MYO9B: variants seen among roughly 807,000 people sequenced by gnomAD.
MYO9B encodes myosin IXB, also known as unconventional myosin-IXb.
A neutral mutation model predicts 229.5 loss-of-function variants in MYO9B; 71 were observed. That is an observed-to-expected ratio of 0.31 (90% CI 0.26 to 0.38). The LOEUF is 0.38. Among genes scored for constraint, MYO9B ranks in the 10% least tolerant of loss-of-function variants. The pLI is 1.00. For missense variants in MYO9B, 2,255 were observed against 2,920.5 expected, an observed-to-expected ratio of 0.77 and a Z score of 5.25; for synonymous variants, 1,185 against 1,235.8, an observed-to-expected ratio of 0.96 and a Z score of 0.86.
At chr19:17,109,093 G>T (rs2057822540) in intron 2 of MYO9B, among the ~76,000 whole-genome samples, 1 of 141,672 alleles carries the variant, frequency 7.1e-6, no homozygotes, top group African/African-American at 2.7e-5. Context: ...TTGAAACAGA[G>T]TTTCTCTCTG....
In MYO9B at chr19:17,120,692, C is replaced by T. The variant is rs181780239; in HGVS notation, c.840+18135C>T. Among the ~76,000 whole-genome samples, 388 of 149,502 alleles carry T rather than the reference C, an allele frequency of 2.6e-3. 2 individuals are homozygous for T. The highest frequency in any genetic ancestry group is 3.1e-3 in the Non-Finnish European group (206 of 67,324). ...GATAGATAGATATCTAAATGTATAT[C>T]TCCTTTATGCTAATTGGTAACAGTC... is the stretch of plus-strand genomic sequence containing the variant. On this transcript the variant is annotated intron_variant, in intron 2 of 39. Transcript: ENST00000682292.
At chr19:17,113,545 C>T (rs12185526) in intron 2 of MYO9B, among the ~76,000 whole-genome samples, 1 of 152,138 alleles carries the variant, frequency 6.6e-6, no homozygotes, top group South Asian at 2.1e-4. Context: ...CCCATCCACA[C>T]AGGCAGGCGT....
intron 36 of MYO9B, 59 bp downstream of exon 36, chr19:17,209,768 G>A (rs781116881): frequency 3.2e-4 from 516 of 1,593,500 alleles, no homozygotes; most frequent in Non-Finnish European, 4.3e-4. Flanking sequence ...CTGGTGCTGG[G>A]CAGGGCCTTG....
Position 17,193,723 on chromosome 19 carries a change from A to G in MYO9B, c.3128+661A>G, listed in dbSNP as rs376066748. On this transcript the variant is annotated intron_variant, in intron 21 of 39. Coordinates refer to ENST00000682292, the MANE Select transcript of MYO9B (RefSeq NM_004145.4). The surrounding 1 kb of genome is among the most constrained non-coding windows in gnomAD (Gnocchi z 4.3). ...CAAGATGCCATCTCTACACAAAATT[A>G]AAGACTTAGCCAGGTGTGGTGGTAC... is the stretch of plus-strand genomic sequence containing the variant. 1.4e-4 allele frequency among the ~76,000 whole-genome samples: 21 copies of G among 152,252 alleles called. 1 individual carries two copies. The highest frequency in any genetic ancestry group is 4.6e-4 in the African/African-American group (19 of 41,560).
At chr19:17,183,708 T>C (rs201408270) in intron 15 of MYO9B, 121 bp from the exon 16 acceptor site, 1 of 810,328 alleles carries the variant, frequency 1.2e-6, no homozygotes, top group East Asian at 2.8e-5. Context: ...TTGCGCCTTC[T>C]CACTCTCTCC....
intron 36 of MYO9B, 24 bp downstream of exon 36, chr19:17,209,733 C>T (rs372502863): frequency 1.8e-5 from 29 of 1,576,878 alleles, no homozygotes; most frequent in Non-Finnish European, 2.5e-5. Context: ...ATCGTGGGGG[C>T]GGGACCTCTT....
chr19:17,133,089 G>A (rs1423030219), intron 2 of MYO9B, among the ~76,000 whole-genome samples: 3 of 151,558 alleles, frequency 2.0e-5, no homozygotes, highest in African/African-American at 4.9e-5. Flanking sequence ...CTTGTGATCC[G>A]CCTGTCTCAG....
intron 1 of MYO9B, among the ~76,000 whole-genome samples, chr19:17,086,069 G>A (rs146150818): frequency 2.0e-5 from 3 of 152,182 alleles, no homozygotes; most frequent in South Asian, 2.1e-4. Context: ...CCCACAGGAC[G>A]TGCTTCCACC....
chr19:17,159,313 G>A, intron 7 of MYO9B, 82 bp from the exon 8 acceptor site: 1 of 1,315,978 alleles, frequency 7.6e-7, no homozygotes. Context: ...CAGGCTCCGG[G>A]CGTTGCCTCA....
chr19:17,182,264 GT>G (rs2072870096), intron 15 of MYO9B, among the ~76,000 whole-genome samples: 1 of 151,876 alleles, frequency 6.6e-6, no homozygotes, highest in African/African-American at 2.4e-5. Context: ...GTTTGTAGAG[GT>G]GGAATCTTGC....
chr19:17,186,555 A>G (rs530132608), intron 18 of MYO9B, among the ~76,000 whole-genome samples: 14 of 152,228 alleles, frequency 9.2e-5, no homozygotes, highest in Non-Finnish European at 1.8e-4. Context: ...CCTCCCGCCA[A>G]CTGTACCTGG....
chr19:17,133,137 C>T (rs1272721074), intron 2 of MYO9B, among the ~76,000 whole-genome samples: 2 of 152,102 alleles, frequency 1.3e-5, no homozygotes, highest in African/African-American at 4.8e-5. Flanking sequence ...TGAGCCACTG[C>T]GCCCGGCCTA....
Position 17,102,357 on chromosome 19 carries a change from C to T in MYO9B, c.640C>T (p.His214Tyr). The T allele has an allele frequency of 6.2e-7, 1 of 1,614,044 alleles. No homozygotes were observed. The highest frequency in any genetic ancestry group is 8.5e-7 in the Non-Finnish European group (1 of 1,179,908). ...ENQQLGKLEP[H>Y]VFALADVAYY... ...CCAGCAGCTGGGCAAGCTGGAGCCA[C>T]ACGTCTTCGCGCTGGCCGACGTGGC... Residue 214 changes from histidine to tyrosine, a missense_variant, in exon 2 of 40, where the codon CAC becomes TAC. Around this residue, in one of 7 missense-constraint regions of MYO9B, gnomAD observed 386 missense variants for 515.2 expected, o/e 0.75. Coordinates refer to ENST00000682292, the MANE Select transcript of MYO9B (RefSeq NM_004145.4).
chr19:17,099,995 GC>G (rs2057729564), intron 1 of MYO9B, among the ~76,000 whole-genome samples: 1 of 149,660 alleles, frequency 6.7e-6, no homozygotes, highest in Admixed American at 6.7e-5. Flanking sequence ...GTGGCGGGGT[GC>G]CTGTAATCCC....
chr19:17,105,810 G>A (rs992410333), intron 2 of MYO9B, among the ~76,000 whole-genome samples: 36 of 152,006 alleles, frequency 2.4e-4, no homozygotes, highest in African/African-American at 8.5e-4. Context: ...CATTAATTGG[G>A]GTCATACAAC....
At chr19:17,085,618 GT>G (rs1021581315) in intron 1 of MYO9B, among the ~76,000 whole-genome samples, 6 of 151,526 alleles carry the variant, frequency 4.0e-5, no homozygotes, top group Non-Finnish European at 5.9e-5. Flanking sequence ...GAGCCCAGAA[GT>G]TTGAGACTGG....
intron 2 of MYO9B, among the ~76,000 whole-genome samples, chr19:17,116,931 G>T (rs1344914827): frequency 6.6e-6 from 1 of 152,124 alleles, no homozygotes; most frequent in Non-Finnish European, 1.5e-5. Flanking sequence ...CGTTTGGAAT[G>T]ATCTAAGGCT....
intron 33 of MYO9B, 81 bp downstream of exon 33, chr19:17,206,457 G>A: frequency 1.3e-6 from 2 of 1,538,486 alleles, no homozygotes; most frequent in Non-Finnish European, 1.7e-6. Flanking sequence ...CAGGAGGCAG[G>A]ACCACCCAGT....
Position 17,093,686 on chromosome 19 carries a change from CG to C in MYO9B, c.-58-7968del, listed in dbSNP as rs528872582. Among the ~76,000 whole-genome samples, 15 of 98,698 alleles carry C rather than the reference CG, an allele frequency of 1.5e-4. No individual in the cohort carries two copies. In the East Asian group the frequency reaches 3.1e-3, roughly 20 times the overall value. 64.7% of individuals were successfully genotyped at this position (98,698 alleles called of 152,430 possible). On this transcript the variant is annotated intron_variant, in intron 1 of 39. Coordinates refer to ENST00000682292, the MANE Select transcript of MYO9B (RefSeq NM_004145.4). ...TGTAATTTTTAAAGCAGTTTTTTTGCGGGGGGTGGGGGGGGGGGTGGTTTGA... is the reference window on the plus strand; with the variant it reads ...TGTAATTTTTAAAGCAGTTTTTTTGCGGGGGTGGGGGGGGGGGTGGTTTGA...
Sources: gnomAD v4.1 joint callset for allele counts (sites outside exome capture counted in the v4.1 genomes callset) on GRCh38, gnomAD v4.1.1 for gene constraint, gnomAD v4.1.1 regional missense constraint, Gnocchi (gnomAD v3.1) non-coding constraint, MANE v1.5 for transcripts, NCBI Gene and HGNC (gene_info 2026-07-23, HGNC 2026-07-21) for gene names.